Variants in MACROD2 observed in about 807,000 individuals in gnomAD.
MACROD2 encodes ADP-ribose glycohydrolase MACROD2.
MACROD2 carries 36 observed loss-of-function variants against 70.4 expected under a neutral mutation model. The observed-to-expected ratio is 0.51, with a 90% CI of 0.39 to 0.68. MACROD2 has a LOEUF of 0.68. Ranked by LOEUF, MACROD2 falls within the 30% of genes least tolerant of loss-of-function variation. MACROD2 has a pLI of 0.00. For missense variants in MACROD2, 496 were observed against 538.4 expected, an observed-to-expected ratio of 0.92 and a Z score of 0.78; for synonymous variants, 172 against 178.8, an observed-to-expected ratio of 0.96 and a Z score of 0.30.
intron 15 of MACROD2, among the ~76,000 whole-genome samples, chr20:16,005,767 A>G (rs2066779646): frequency 1.3e-5 from 2 of 152,182 alleles, no homozygotes; most frequent in South Asian, 2.1e-4. Flanking sequence ...CTAGCTCTCT[A>G]AGCTTGTGTG....
chr20:14,596,312 A>G (rs966093946), intron 4 of MACROD2, among the ~76,000 whole-genome samples: 3 of 151,112 alleles, frequency 2.0e-5, no homozygotes, highest in South Asian at 2.1e-4. Flanking sequence ...GGATGGCCTC[A>G]ATCTCCTGAC....
intron 8 of MACROD2, among the ~76,000 whole-genome samples, chr20:15,508,926 A>C (rs942567434): frequency 2.0e-5 from 3 of 152,234 alleles, no homozygotes; most frequent in Non-Finnish European, 4.4e-5. Context: ...CTGAAGCAAA[A>C]AGCAGTATAT....
chr20:14,686,674 G>T (rs113709622), intron 5 of MACROD2, among the ~76,000 whole-genome samples: 1 of 152,116 alleles, frequency 6.6e-6, no homozygotes, highest in Admixed American at 6.6e-5. Context: ...GTCTAGGTGT[G>T]TAGTAGGCTA....
intron 3 of MACROD2, among the ~76,000 whole-genome samples, chr20:14,451,492 G>A (rs1161105988): frequency 2.0e-5 from 3 of 152,110 alleles, no homozygotes; most frequent in African/African-American, 7.3e-5. Context: ...ACCTCTGTGG[G>A]TCACTAGAGC....
chr20:15,868,246 T>G (rs1476322721), intron 9 of MACROD2, among the ~76,000 whole-genome samples: 1 of 152,170 alleles, frequency 6.6e-6, no homozygotes, highest in Non-Finnish European at 1.5e-5. Context: ...CTCAGCCTGG[T>G]CTCTGGCTTC....
At chr20:16,016,014 A>G (rs2066923965) in intron 15 of MACROD2, among the ~76,000 whole-genome samples, 1 of 152,118 alleles carries the variant, frequency 6.6e-6, no homozygotes, top group East Asian at 1.9e-4. Flanking sequence ...CCTACTAATT[A>G]AGAAACTGAA....
At chr20:14,162,815 T>C (rs963651757) in intron 3 of MACROD2, among the ~76,000 whole-genome samples, 1 of 152,098 alleles carries the variant, frequency 6.6e-6, no homozygotes, top group African/African-American at 2.4e-5. Flanking sequence ...TTTATTTATT[T>C]TTAATTCTTT....
At chr20:15,370,162 T>C (rs1170206114) in intron 6 of MACROD2, among the ~76,000 whole-genome samples, 13 of 152,122 alleles carry the variant, frequency 8.5e-5, no homozygotes, top group Non-Finnish European at 1.5e-4. Flanking sequence ...TTGGTATAAA[T>C]TGGGGATGAA....
At chr20:15,012,942 G>C (rs566656919) in intron 5 of MACROD2, among the ~76,000 whole-genome samples, 4 of 152,204 alleles carry the variant, frequency 2.6e-5, no homozygotes, top group African/African-American at 7.2e-5. Context: ...CACGGCTTAA[G>C]TACTTGCCAT....
At chr20:15,877,010 T>A (rs1413971633) in intron 9 of MACROD2, among the ~76,000 whole-genome samples, 1 of 152,060 alleles carries the variant, frequency 6.6e-6, no homozygotes, top group African/African-American at 2.4e-5. Flanking sequence ...CTTGTTGAGG[T>A]TATTAGAACA....
At chr20:14,978,880 ATAAAATATATATATTATATAATATAT>A (rs1281289385) in intron 5 of MACROD2, among the ~76,000 whole-genome samples, 1 of 18,212 alleles carries the variant, frequency 5.5e-5, no homozygotes, top group African/African-American at 1.0e-4. Context: ...TATATAATAT[ATAAAATATATATATTATATAATATAT>A]TATATATAAT....
chr20:15,916,085 C>T (rs2147277892), intron 10 of MACROD2, among the ~76,000 whole-genome samples: 2 of 152,294 alleles, frequency 1.3e-5, no homozygotes, highest in Admixed American at 1.3e-4. Flanking sequence ...TTCACGCTCA[C>T]AGCTGATTAG....
chr20:14,314,166 T>C (rs540831494), intron 3 of MACROD2, among the ~76,000 whole-genome samples: 1 of 152,360 alleles, frequency 6.6e-6, no homozygotes, highest in Non-Finnish European at 1.5e-5. Flanking sequence ...AGATAACTAA[T>C]CTTTTTTAAA....
chr20:15,977,216 G>A (rs1442037026), intron 13 of MACROD2, among the ~76,000 whole-genome samples: 1 of 152,180 alleles, frequency 6.6e-6, no homozygotes, highest in Non-Finnish European at 1.5e-5. Context: ...GTTCCCTATA[G>A]CAACAGTGAT....
Position 14,988,091 on chromosome 20 carries a change from C to T in MACROD2, c.419-241849C>T, listed in dbSNP as rs141514536. On this transcript the variant is annotated intron_variant, in intron 5 of 17. Coordinates refer to ENST00000684519, the MANE Select transcript of MACROD2 (RefSeq NM_001351661.2). ...AGTAAGGCTATATACAGGTCAGGCACGGTGGCTCATGCCTGTAATCCCAGC... is the reference window on the plus strand; with the variant it reads ...AGTAAGGCTATATACAGGTCAGGCATGGTGGCTCATGCCTGTAATCCCAGC... Among the ~76,000 whole-genome samples, 1,001 of 152,042 alleles carry T rather than the reference C, an allele frequency of 6.6e-3. 6 individuals carry two copies. The highest frequency in any genetic ancestry group is 0.021 in the African/African-American group (880 of 41,490).
intron 2 of MACROD2, among the ~76,000 whole-genome samples, chr20:14,034,948 A>T (rs1380669898): frequency 6.6e-6 from 1 of 151,924 alleles, no homozygotes; most frequent in Non-Finnish European, 1.5e-5. Flanking sequence ...ATGTGCTTAG[A>T]TTATGTTTTA....
At chr20:14,366,022 G>A (rs901062108) in intron 3 of MACROD2, among the ~76,000 whole-genome samples, 1 of 152,158 alleles carries the variant, frequency 6.6e-6, no homozygotes, top group Non-Finnish European at 1.5e-5. Flanking sequence ...GGCTTAATAT[G>A]TAGTGTATCC....
At chr20:15,373,672 A>G (rs1013917) in intron 6 of MACROD2, among the ~76,000 whole-genome samples, 142,216 of 152,250 alleles carry the variant, frequency 0.93, 66,528 homozygotes, top group African/African-American at 0.98. Flanking sequence ...CAAAGTGCTG[A>G]GATTACAGAC....
At chr20:14,020,365 C>T (rs961458228) in intron 2 of MACROD2, among the ~76,000 whole-genome samples, 9 of 152,062 alleles carry the variant, frequency 5.9e-5, no homozygotes, top group African/African-American at 1.2e-4. Context: ...CCCAGCTACT[C>T]GAGAGGCTGA....
Sources: allele counts gnomAD v4.1 joint callset (sites outside exome capture counted in the v4.1 genomes callset), GRCh38; gene constraint gnomAD v4.1.1; transcripts MANE v1.5; gene names NCBI Gene and HGNC (gene_info 2026-07-23, HGNC 2026-07-21).